KIF13A: variants seen among roughly 807,000 people sequenced by gnomAD.
The protein encoded by KIF13A is kinesin-like protein KIF13A.
KIF13A carries 79 observed loss-of-function variants against 212.2 expected under a neutral mutation model. The observed-to-expected ratio is 0.37, with a 90% confidence interval of 0.31 to 0.45. The LOEUF (loss-of-function observed/expected upper bound fraction) is 0.45, where lower values mean the gene tolerates loss of function less well. KIF13A is among the 20% of genes least tolerant of loss of function. The pLI is 1.00. For synonymous variants in KIF13A, 789 were observed against 808.6 expected, an observed-to-expected ratio of 0.98 and a Z score of 0.41; for missense variants, 1,901 against 2,209.0, an observed-to-expected ratio of 0.86 and a Z score of 2.79.
chr6:17,940,978 A>G (rs1032177479), intron 2 of KIF13A, among the ~76,000 whole-genome samples: 1 of 151,848 alleles, frequency 6.6e-6, no homozygotes, highest in Non-Finnish European at 1.5e-5. Context: ...GGCATGCACC[A>G]TCATGCCTGG....
chr6:17,810,492 AG>A (rs1472478080), intron 17 of KIF13A, among the ~76,000 whole-genome samples: 4 of 152,228 alleles, frequency 2.6e-5, no homozygotes, highest in Non-Finnish European at 5.9e-5. Context: ...TTTTGGCACC[AG>A]GGACTAGTTA....
At chr6:17,964,534 GT>G (rs1779127452) in intron 2 of KIF13A, among the ~76,000 whole-genome samples, 1 of 152,204 alleles carries the variant, frequency 6.6e-6, no homozygotes, top group African/African-American at 2.4e-5. Flanking sequence ...ATAAAAATCA[GT>G]AGAAAAGTCA....
chr6:17,835,325 G>A (rs567689779), intron 11 of KIF13A, among the ~76,000 whole-genome samples: 4 of 148,666 alleles, frequency 2.7e-5, no homozygotes, highest in African/African-American at 4.9e-5. Context: ...GAGCCATCTC[G>A]CCCAGATTAT....
intron 16 of KIF13A, among the ~76,000 whole-genome samples, chr6:17,822,629 C>A (rs1257075100): frequency 2.6e-5 from 4 of 152,158 alleles, no homozygotes; most frequent in Non-Finnish European, 5.9e-5. Context: ...GAGTTAGCGA[C>A]TAGAGATGTC....
chr6:17,870,932 T>C (rs1395176272), intron 4 of KIF13A, among the ~76,000 whole-genome samples: 2 of 152,226 alleles, frequency 1.3e-5, no homozygotes, highest in African/African-American at 2.4e-5. Flanking sequence ...CCACATAGCA[T>C]AGGTATTGCC....
chr6:17,782,792 G>C (rs1257810016), intron 29 of KIF13A, among the ~76,000 whole-genome samples: 1 of 152,108 alleles, frequency 6.6e-6, no homozygotes, highest in Non-Finnish European at 1.5e-5. Flanking sequence ...TCAAAGTTCT[G>C]AGCACTTGGG....
In KIF13A at chr6:17,777,632, C is replaced by T. The variant is rs1471410036; in HGVS notation, c.4093-278G>A. 2.0e-5 allele frequency among the ~76,000 whole-genome samples: 3 copies of T among 152,144 alleles called. No homozygotes were observed. Among genetic ancestry groups the T allele is most frequent in the African/African-American group, 4.8e-5 (2 of 41,422 alleles). ...CTCCTGAGCTCAGGCAATCTGCCCA[C>T]GTCGGCCTCCCAAAGTGTTAGGATT... is the stretch of plus-strand genomic sequence containing the variant. On this transcript the variant is annotated intron_variant, in intron 33 of 38. Transcript: ENST00000259711. The surrounding 1 kb of genome is among the most constrained non-coding windows in gnomAD (Gnocchi z 4.4).
In KIF13A at chr6:17,855,625, A is replaced by C; in HGVS notation, c.314-8T>G. 6.3e-7 allele frequency: 1 copy of C among 1,595,040 alleles called. No individual in the cohort carries two copies. Among genetic ancestry groups the C allele is most frequent in the Non-Finnish European group, 8.5e-7 (1 of 1,173,592 alleles). On this transcript the variant is annotated splice_region_variant and splice_polypyrimidine_tract_variant and intron_variant, in intron 5 of 38. Transcript: ENST00000259711. This position sits in a 1 kb window ranked among gnomAD's most constrained non-coding sequence, Gnocchi z 4.1. Reference sequence around the variant, plus strand: ...AAAAGGATTTTCCCGAACCTGGAGAACAGCAAGGAAAAAGAAGAACAGGTA... The same window carrying C: ...AAAAGGATTTTCCCGAACCTGGAGACCAGCAAGGAAAAAGAAGAACAGGTA...
chr6:17,781,198 G>A lies in KIF13A; in HGVS notation c.3648C>T (p.Ile1216=). ...EHGSQFFYLP[I]IKHSDDEVSA... is the part of the protein sequence containing the mutation. The stretch of plus-strand genomic sequence containing the variant: ...TTACCTCATCATCACTGTGCTTTAT[G>A]ATGGGCAGGTAGAAAAACTGGCTGC... The change falls in exon 30 of 39, where the codon ATC becomes ATT. Residue 1216 remains isoleucine, a synonymous_variant. Transcript: ENST00000259711. 6.2e-7 allele frequency: 1 copy of A among 1,613,926 alleles called. No homozygotes were observed. The highest frequency in any genetic ancestry group is 1.3e-5 in the African/African-American group (1 of 75,010).
Position 17,854,546 on chromosome 6 carries a change from ATTTTTTTT to A in KIF13A, c.494+883_494+890del, listed in dbSNP as rs36073765. ...TAGATACTAGTTTTAAATCAGTATAATTTTTTTTTTTTTTTTTTTTTTTTTTTGAGCTG... is the reference window on the plus strand; with the variant it reads ...TAGATACTAGTTTTAAATCAGTATAATTTTTTTTTTTTTTTTTTTGAGCTG... On this transcript the variant is annotated intron_variant, in intron 6 of 38. Transcript: ENST00000259711. Among the ~76,000 whole-genome samples the A allele has an allele frequency of 6.5e-5, 5 of 77,116 alleles. 1 individual carries two copies. Among genetic ancestry groups the A allele is most frequent in the East Asian group, 9.3e-4 (2 of 2,158 alleles). The allele number at this position is 77,116 out of a possible 152,430, so 50.6% of individuals were successfully genotyped here. A position where few individuals can be genotyped will look rare whatever the true frequency, so the allele number is the denominator to read the frequency against.
rs1280103645 is a variant in KIF13A at position 17,838,366 on chromosome 6, C to G, written c.831-783G>C. Among the ~76,000 whole-genome samples the G allele has an allele frequency of 6.6e-6, 1 of 151,674 alleles. No individual in the cohort carries two copies. Among genetic ancestry groups the G allele is most frequent in the Admixed American group, 6.6e-5 (1 of 15,208 alleles). On this transcript the variant is annotated intron_variant, in intron 9 of 38. Transcript: ENST00000259711. This position sits in a 1 kb window ranked among gnomAD's most constrained non-coding sequence, Gnocchi z 4.2. ...TGCTACTACAAATAACAAAGAAGGA[C>G]ACAAACTAGCAAGTGAAAGACTAGA...
rs1413351821 is a variant in KIF13A, at chr6:17,850,819, T to G, written c.583-362A>C. ...CTGTGCTTACCAACCCGCTGATGCC[T>G]GCCTGTCTGCCTCCCTCCTCCAATA... is the stretch of plus-strand genomic sequence containing the variant. On this transcript the variant is annotated intron_variant, in intron 7 of 38. Coordinates refer to ENST00000259711, the MANE Select transcript of KIF13A (RefSeq NM_022113.6). This position sits in a 1 kb window ranked among gnomAD's most constrained non-coding sequence, Gnocchi z 6.2. Among the ~76,000 whole-genome samples the G allele has an allele frequency of 6.6e-6, 1 of 152,210 alleles. No individual in the cohort carries two copies. The highest frequency in any genetic ancestry group is 1.9e-4 in the East Asian group (1 of 5,204).
chr6:17,879,403 T>G (rs933583285), intron 3 of KIF13A, among the ~76,000 whole-genome samples: 1 of 152,170 alleles, frequency 6.6e-6, no homozygotes, highest in Non-Finnish European at 1.5e-5. Context: ...ATGGAGTGGA[T>G]GTAAGAACTA....
intron 4 of KIF13A, among the ~76,000 whole-genome samples, chr6:17,857,574 T>C (rs1041028642): frequency 6.6e-6 from 1 of 152,198 alleles, no homozygotes; most frequent in Non-Finnish European, 1.5e-5. Flanking sequence ...GCCTGCCTCA[T>C]GTAGTTCTTT....
At chr6:17,894,056 T>A (rs532698865) in intron 3 of KIF13A, among the ~76,000 whole-genome samples, 1 of 152,106 alleles carries the variant, frequency 6.6e-6, no homozygotes, top group East Asian at 1.9e-4. Flanking sequence ...GCCAGGCTGG[T>A]CTTGATCTCC....
rs1255861270 is a variant in KIF13A, at chr6:17,871,073, A to G, written c.220+2304T>C. On this transcript the variant is annotated intron_variant, in intron 4 of 38. Coordinates refer to ENST00000259711, the MANE Select transcript of KIF13A (RefSeq NM_022113.6). The surrounding 1 kb of genome is among the most constrained non-coding windows in gnomAD (Gnocchi z 4.4). ...TCAAAATCCATGTGCTCTCCTTGAC[A>G]CATGTCACTTCCTCTTGTCTGGATG... Among the ~76,000 whole-genome samples the G allele has an allele frequency of 6.6e-6, 1 of 152,266 alleles. No homozygotes were observed. Among genetic ancestry groups the G allele is most frequent in the Non-Finnish European group, 1.5e-5 (1 of 68,048 alleles).
Position 17,834,193 on chromosome 6 carries a change from G to A in KIF13A, c.1156-122C>T. ...TCTGTTGGAAAAAATTAAGTTATAT[G>A]CTGTTAGGGTGGGTTTTTAACCTTT... On this transcript the variant is annotated intron_variant, in intron 11 of 38. Coordinates refer to ENST00000259711, the MANE Select transcript of KIF13A (RefSeq NM_022113.6). This position sits in a 1 kb window ranked among gnomAD's most constrained non-coding sequence, Gnocchi z 4.0. 1 of 595,236 alleles carries A rather than the reference G, an allele frequency of 1.7e-6. No homozygotes were observed. Among genetic ancestry groups the A allele is most frequent in the South Asian group, 2.3e-5 (1 of 43,486 alleles). 36.9% of individuals were successfully genotyped at this position (595,236 alleles called of 1,614,324 possible). A position where few individuals can be genotyped will look rare whatever the true frequency, so the allele number is the denominator to read the frequency against.
intron 3 of KIF13A, among the ~76,000 whole-genome samples, chr6:17,896,068 TC>T (rs2150478977): frequency 6.6e-6 from 1 of 152,312 alleles, no homozygotes; most frequent in South Asian, 2.1e-4. Flanking sequence ...CAGACTCCAG[TC>T]CTACTCTGTT....
intron 2 of KIF13A, among the ~76,000 whole-genome samples, chr6:17,938,785 T>C (rs146013861): frequency 6.6e-5 from 10 of 151,712 alleles, no homozygotes; most frequent in Middle Eastern, 6.8e-3. Context: ...AACTTGGAAC[T>C]GAAAGTCTTT....
Sources: allele counts gnomAD v4.1 joint callset (sites outside exome capture counted in the v4.1 genomes callset), GRCh38; gene constraint gnomAD v4.1.1; non-coding constraint Gnocchi (gnomAD v3.1); transcripts MANE v1.5; gene names NCBI Gene and HGNC (gene_info 2026-07-23, HGNC 2026-07-21).